Variants in CNTNAP2 observed in about 807,000 individuals in gnomAD.
CNTNAP2 encodes the protein contactin associated protein 2, also known as contactin-associated protein-like 2.
Under a neutral mutation model 155.2 loss-of-function variants are expected in CNTNAP2, and 98 were observed. The observed-to-expected ratio is 0.63, with a 90% CI of 0.54 to 0.75. The LOEUF is 0.75. Among genes scored for constraint, CNTNAP2 ranks in the 30% least tolerant of loss-of-function variants. The probability of loss-of-function intolerance (pLI) is 0.00; values close to 1 mark genes in which losing one functional copy is unlikely to be tolerated. For synonymous variants in CNTNAP2, 651 were observed against 631.2 expected (o/e 1.03, Z -0.47); for missense variants, 1,727 against 1,688.1 (o/e 1.02, Z -0.40).
intron 1 of CNTNAP2, among the ~76,000 whole-genome samples, chr7:146,672,002 G>A (rs1297295471): frequency 6.6e-6 from 1 of 151,914 alleles, no homozygotes; most frequent in Non-Finnish European, 1.5e-5. Flanking sequence ...TTTTAGTAGA[G>A]ACGGGGTTTC....
intron 4 of CNTNAP2, among the ~76,000 whole-genome samples, chr7:147,092,761 AC>A (rs1177319591): frequency 6.6e-5 from 10 of 152,208 alleles, no homozygotes; most frequent in Non-Finnish European, 1.3e-4. Flanking sequence ...ATACCTCTGT[AC>A]TACAAAAACT....
chr7:148,053,037 A>G (rs1440501168), intron 15 of CNTNAP2, among the ~76,000 whole-genome samples: 2 of 152,076 alleles, frequency 1.3e-5, no homozygotes, highest in Non-Finnish European at 2.9e-5. Context: ...ACAGAGCTAG[A>G]CTCCGTCTCA....
At chr7:146,704,435 C>G (rs1186607659) in intron 1 of CNTNAP2, among the ~76,000 whole-genome samples, 1 of 152,096 alleles carries the variant, frequency 6.6e-6, no homozygotes, top group Non-Finnish European at 1.5e-5. Context: ...CAGTTAGAGG[C>G]AATCTTAGAA....
chr7:146,903,781 A>G (rs983997940), intron 3 of CNTNAP2, among the ~76,000 whole-genome samples: 2 of 152,144 alleles, frequency 1.3e-5, no homozygotes, highest in African/African-American at 4.8e-5. Flanking sequence ...GACTGGGGGA[A>G]TAGGTTTGGC....
intron 13 of CNTNAP2, among the ~76,000 whole-genome samples, chr7:147,842,303 A>G (rs1005244994): frequency 2.6e-5 from 4 of 152,256 alleles, no homozygotes; most frequent in Non-Finnish European, 4.4e-5. Context: ...TTAGTCCCTT[A>G]CAGACTAAGA....
chr7:147,446,623 T>C (rs555739777), intron 10 of CNTNAP2, among the ~76,000 whole-genome samples: 1 of 152,344 alleles, frequency 6.6e-6, no homozygotes, highest in South Asian at 2.1e-4. Context: ...GACACAACTT[T>C]TCCCAAGAAC....
At chr7:146,552,558 A>G (rs1427122807) in intron 1 of CNTNAP2, among the ~76,000 whole-genome samples, 4 of 152,152 alleles carry the variant, frequency 2.6e-5, no homozygotes, top group Non-Finnish European at 4.4e-5. Context: ...GTAGCCAGAA[A>G]GATCCTGTTA....
At chr7:146,137,984 A>G (rs986936125) in intron 1 of CNTNAP2, among the ~76,000 whole-genome samples, 3 of 151,868 alleles carry the variant, frequency 2.0e-5, no homozygotes, top group Admixed American at 6.6e-5. Context: ...GGGTTTTTTT[A>G]TTCTTTTCAA....
At chr7:147,369,251 G>A (rs777035745) in intron 9 of CNTNAP2, among the ~76,000 whole-genome samples, 14 of 152,282 alleles carry the variant, frequency 9.2e-5, no homozygotes, top group African/African-American at 1.7e-4. Context: ...TTCCAGCATC[G>A]TATTGGATAT....
At chr7:146,896,637 T>C (rs1795883465) in intron 3 of CNTNAP2, among the ~76,000 whole-genome samples, 1 of 152,032 alleles carries the variant, frequency 6.6e-6, no homozygotes, top group South Asian at 2.1e-4. Context: ...AATTTGCCAT[T>C]ATTTTTAATG....
chr7:146,785,222 C>T (rs1423026821), intron 2 of CNTNAP2, among the ~76,000 whole-genome samples: 1 of 152,076 alleles, frequency 6.6e-6, no homozygotes, highest in Non-Finnish European at 1.5e-5. Context: ...GATCTACCCA[C>T]CTTGGCCTCC....
At chr7:146,533,275 G>A (rs1797798089) in intron 1 of CNTNAP2, among the ~76,000 whole-genome samples, 1 of 152,100 alleles carries the variant, frequency 6.6e-6, no homozygotes. Flanking sequence ...GAAATTTGAA[G>A]CTCAAACATT....
At chr7:147,108,689 T>C (rs1025334005) in intron 5 of CNTNAP2, among the ~76,000 whole-genome samples, 1 of 152,182 alleles carries the variant, frequency 6.6e-6, no homozygotes, top group African/African-American at 2.4e-5. Context: ...CAAAAATGAA[T>C]GTCTTCAAAT....
At chr7:146,324,705 T>A (rs183421512) in intron 1 of CNTNAP2, among the ~76,000 whole-genome samples, 2,428 of 152,200 alleles carry the variant, frequency 0.016, 26 homozygotes, top group Non-Finnish European at 0.025. Context: ...ACTTTGAAAA[T>A]GTTTCTTCCT....
chr7:148,220,637 A>G (rs7796702), intron 19 of CNTNAP2, among the ~76,000 whole-genome samples: 6,301 of 151,934 alleles, frequency 0.041, 462 homozygotes, highest in African/African-American at 0.14. Context: ...AGGGATAGAA[A>G]AAAAAAAGCA....
At chr7:147,747,460 G>A (rs1453297237) in intron 13 of CNTNAP2, among the ~76,000 whole-genome samples, 1 of 151,990 alleles carries the variant, frequency 6.6e-6, no homozygotes, top group African/African-American at 2.4e-5. Flanking sequence ...ATATTCTCTT[G>A]CATATATACA....
At chr7:146,993,198 C>A (rs1361168874) in intron 3 of CNTNAP2, among the ~76,000 whole-genome samples, 4 of 152,130 alleles carry the variant, frequency 2.6e-5, no homozygotes, top group Non-Finnish European at 4.4e-5. Flanking sequence ...CCCTATTTGA[C>A]CTTCTGACTT....
intron 14 of CNTNAP2, among the ~76,000 whole-genome samples, chr7:147,976,022 A>G (rs969777377): frequency 6.7e-6 from 1 of 149,384 alleles, no homozygotes; most frequent in African/African-American, 2.5e-5. Flanking sequence ...CATAGACAAT[A>G]CATTTTTTTA....
At chr7:146,558,238 A>C (rs919172763) in intron 1 of CNTNAP2, among the ~76,000 whole-genome samples, 3 of 152,184 alleles carry the variant, frequency 2.0e-5, no homozygotes, top group African/African-American at 7.2e-5. Flanking sequence ...TGTTGTGCAC[A>C]TGACAGAGGC....
Sources: gnomAD v4.1 joint callset for allele counts (sites outside exome capture counted in the v4.1 genomes callset) on GRCh38, gnomAD v4.1.1 for gene constraint, MANE v1.5 for transcripts, NCBI Gene and HGNC (gene_info 2026-07-23, HGNC 2026-07-21) for gene names.